FARP2: variants seen among roughly 807,000 people sequenced by gnomAD.
FARP2 encodes FERM, ARHGEF and pleckstrin domain-containing protein 2.
A neutral mutation model predicts 130.5 loss-of-function variants in FARP2; 111 were observed. The observed-to-expected ratio is 0.85, with a 90% CI of 0.73 to 1.00. FARP2 has a LOEUF of 1.00. Among genes scored for constraint, FARP2 ranks in the 50% least tolerant of loss-of-function variants. The pLI is 0.00. For missense variants in FARP2, 1,385 were observed against 1,346.3 expected (o/e 1.03, Z -0.45); for synonymous variants, 504 against 516.9 (o/e 0.98, Z 0.34).
chr2:241,386,409 T>C (rs1669819153), intron 2 of FARP2, among the ~76,000 whole-genome samples: 1 of 151,946 alleles, frequency 6.6e-6, no homozygotes, highest in Non-Finnish European at 1.5e-5. Flanking sequence ...CAGCAGTGGA[T>C]TTTGAGAAAA....
chr2:241,486,920 A>C (rs1274905738), intron 21 of FARP2, among the ~76,000 whole-genome samples: 2 of 152,146 alleles, frequency 1.3e-5, no homozygotes, highest in African/African-American at 4.8e-5. Context: ...TACTCTTCCC[A>C]AGTGGGTAAG....
Position 241,475,925 on chromosome 2 carries a change from C to A in FARP2, c.2200C>A (p.Gln734Lys). 6.2e-7 allele frequency: 1 copy of A among 1,613,988 alleles called. No individual in the cohort carries two copies. Among genetic ancestry groups the A allele is most frequent in the Non-Finnish European group, 8.5e-7 (1 of 1,179,888 alleles). Residue 734 changes from glutamine (Q) to lysine (K), a missense_variant, in exon 19 of 27, where the codon CAG becomes AAG. Gln to Lys is a moderately conservative substitution (Grantham distance 53). Coordinates refer to ENST00000264042, the MANE Select transcript of FARP2 (RefSeq NM_014808.4). The surrounding 1 kb of genome is among the most constrained non-coding windows in gnomAD (Gnocchi z 4.4). The stretch of plus-strand genomic sequence containing the variant: ...CATTCTCATCCGGCTGGAGAACCTG[C>A]AGAAGCTAACGGAGCTGCAGCGGGA... ...QHILIRLENL[Q>K]KLTELQRDLV...
rs779061594 is a variant in FARP2 at position 241,434,373 on chromosome 2, A to G, written c.1031+52A>G. 7 of 1,325,748 alleles carry G rather than the reference A, an allele frequency of 5.3e-6. No individual in the cohort carries two copies. In the African/African-American group the frequency reaches 9.1e-5, roughly 17 times the overall value. 82.1% of individuals were successfully genotyped at this position (1,325,748 alleles called of 1,614,324 possible). Reference sequence around the variant, plus strand: ...GGCCCCTCACTGGTTTGTAAAGCTGAGAAAATAGGTAATTCCTAGTCAAGA... The same window carrying G: ...GGCCCCTCACTGGTTTGTAAAGCTGGGAAAATAGGTAATTCCTAGTCAAGA... On this transcript the variant is annotated intron_variant, in intron 10 of 26. Transcript: ENST00000264042.
At chr2:241,483,314 G>A in intron 19 of FARP2, 151 bp from the exon 20 acceptor site, 5 of 667,136 alleles carry the variant, frequency 7.5e-6, no homozygotes, top group South Asian at 6.8e-5. Context: ...GGGTAGAGGA[G>A]CCCCATTGGG....
chr2:241,380,947 A>C (rs1030651068), intron 2 of FARP2, among the ~76,000 whole-genome samples: 2 of 151,244 alleles, frequency 1.3e-5, no homozygotes. Context: ...GCCCATCCCC[A>C]CTCTGTAGCT....
intron 17 of FARP2, among the ~76,000 whole-genome samples, chr2:241,467,150 G>A (rs1009970011): frequency 1.3e-5 from 2 of 152,056 alleles, no homozygotes; most frequent in African/African-American, 4.8e-5. Context: ...AGGTACTCAG[G>A]GGGCTGAAGC....
intron 8 of FARP2, 85 bp from the exon 9 acceptor site, chr2:241,431,594 G>T: frequency 1.4e-6 from 1 of 724,764 alleles, no homozygotes. Context: ...GTGTTGGCAA[G>T]GATGTAATTT....
chr2:241,420,223 T>C (rs2062770906), intron 8 of FARP2, among the ~76,000 whole-genome samples: 1 of 152,200 alleles, frequency 6.6e-6, no homozygotes, highest in African/African-American at 2.4e-5. Context: ...ATTGGGCAAC[T>C]GTACAAACAA....
chr2:241,463,397 C>T lies in FARP2; in HGVS notation c.1740C>T (p.Phe580=), dbSNP rs1460857213. ...CTGCGACTCTGATGACGCTGCTCTT[C>T]TCCAACATCGATCCCATCTATGAGT... ...AMPATLMTLL[F]SNIDPIYEFH... Residue 580 remains phenylalanine (F), a synonymous_variant, in exon 16 of 27, where the codon TTC becomes TTT. Coordinates refer to ENST00000264042, the MANE Select transcript of FARP2 (RefSeq NM_014808.4). 6.2e-7 allele frequency: 1 copy of T among 1,614,156 alleles called. No homozygotes were observed. The highest frequency in any genetic ancestry group is 8.5e-7 in the Non-Finnish European group (1 of 1,180,020).
At chr2:241,359,808 ACAAAT>A (rs1442761931) in intron 1 of FARP2, among the ~76,000 whole-genome samples, 1 of 152,216 alleles carries the variant, frequency 6.6e-6, no homozygotes, top group African/African-American at 2.4e-5. Flanking sequence ...GTGACTGCTA[ACAAAT>A]CACTAACCTT....
chr2:241,378,910 T>C (rs188908296), intron 2 of FARP2, among the ~76,000 whole-genome samples: 1 of 152,342 alleles, frequency 6.6e-6, no homozygotes, highest in East Asian at 1.9e-4. Flanking sequence ...TTTTAGTTGA[T>C]TAAACAAATT....
chr2:241,453,408 G>T (rs1321002263), intron 13 of FARP2, among the ~76,000 whole-genome samples: 8 of 151,978 alleles, frequency 5.3e-5, no homozygotes, highest in African/African-American at 1.9e-4. Context: ...AGATCACAAG[G>T]TCAGGAGATC....
In FARP2 at chr2:241,466,535, A is replaced by G. The variant is rs1014624451; in HGVS notation, c.1894-1605A>G. The G allele has an allele frequency of 1.4e-5, 14 of 985,316 alleles. No individual in the cohort carries two copies. In the Middle Eastern group the frequency reaches 2.1e-3, roughly 145 times the overall value. The allele number at this position is 985,316 out of a possible 1,614,324, so 61.0% of individuals were successfully genotyped here. A position where few individuals can be genotyped will look rare whatever the true frequency, so the allele number is the denominator to read the frequency against. On this transcript the variant is annotated intron_variant, in intron 17 of 26. Coordinates refer to ENST00000264042, the MANE Select transcript of FARP2 (RefSeq NM_014808.4). ...AGAGGGACCCCAGCCCATCATGGGC[A>G]TCGGCAGGGCTTGGCCACTTCCACC...
chr2:241,422,122 G>A (rs935766244), intron 8 of FARP2, among the ~76,000 whole-genome samples: 14 of 151,212 alleles, frequency 9.3e-5, no homozygotes, highest in African/African-American at 3.4e-4. Context: ...TCCACCCTGG[G>A]CAACAGAGCG....
chr2:241,490,931 C>A, intron 22 of FARP2, 130 bp from the exon 23 acceptor site: 1 of 727,886 alleles, frequency 1.4e-6, no homozygotes, highest in Non-Finnish European at 2.5e-6. Context: ...ACACGTTTCC[C>A]AGTCCTCTCA....
chr2:241,481,241 G>A (rs907159593), intron 19 of FARP2, among the ~76,000 whole-genome samples: 35 of 151,906 alleles, frequency 2.3e-4, no homozygotes, highest in African/African-American at 7.3e-4. Flanking sequence ...AAAATAAATG[G>A]ACTGTAAACA....
In FARP2 at chr2:241,462,585, C is replaced by A; in HGVS notation, c.1650C>A (p.Tyr550Ter). The A allele has an allele frequency of 6.2e-7, 1 of 1,613,088 alleles. No individual in the cohort carries two copies. The highest frequency in any genetic ancestry group is 8.5e-7 in the Non-Finnish European group (1 of 1,179,006). Residue 550 changes from tyrosine (Y) to a stop codon, truncating the protein, a stop_gained, in exon 15 of 27, where the codon TAC becomes TAA. Transcript: ENST00000264042. LOFTEE classifies it high-confidence loss of function. The stretch of plus-strand genomic sequence containing the variant: ...AGATTCTCGCTACAGAACGAACATA[C>A]CTCAAGGATTTAGAAGTTATTACCG... ...VKEILATERT[Y>*]LKDLEVITVW...
intron 7 of FARP2, among the ~76,000 whole-genome samples, chr2:241,413,762 G>C (rs377106370): frequency 1.8e-4 from 28 of 152,278 alleles, no homozygotes; most frequent in African/African-American, 6.7e-4. Flanking sequence ...GGCCAACATA[G>C]TGAGACCCCA....
intron 6 of FARP2, among the ~76,000 whole-genome samples, chr2:241,411,520 G>A (rs1359830868): frequency 6.6e-6 from 1 of 152,140 alleles, no homozygotes; most frequent in Non-Finnish European, 1.5e-5. Flanking sequence ...GATTAGTAAA[G>A]CATTAGCCAT....
Sources: gnomAD v4.1 joint callset for allele counts (sites outside exome capture counted in the v4.1 genomes callset) on GRCh38, gnomAD v4.1.1 for gene constraint, Gnocchi (gnomAD v3.1) non-coding constraint, MANE v1.5 for transcripts, NCBI Gene and HGNC (gene_info 2026-07-23, HGNC 2026-07-21) for gene names.